Variants in PPP3CB observed in about 807,000 individuals in gnomAD.
The protein encoded by PPP3CB is protein phosphatase 3 catalytic subunit beta, also known as serine/threonine-protein phosphatase 2B catalytic subunit beta isoform.
PPP3CB carries 8 observed loss-of-function variants against 66.4 expected under a neutral mutation model. The observed-to-expected ratio is 0.12, with a 90% CI of 0.07 to 0.22. The LOEUF (loss-of-function observed/expected upper bound fraction) is 0.22, where lower values mean the gene tolerates loss of function less well. PPP3CB is among the 10% of genes least tolerant of loss of function. PPP3CB has a pLI of 1.00. For missense variants in PPP3CB, 319 were observed against 642.5 expected, an observed-to-expected ratio of 0.50 and a Z score of 5.44; for synonymous variants, 208 against 221.2, an observed-to-expected ratio of 0.94 and a Z score of 0.53.
intron 3 of PPP3CB, among the ~76,000 whole-genome samples, chr10:73,476,396 C>A (rs1262431358): frequency 6.6e-6 from 1 of 152,166 alleles, no homozygotes; most frequent in Non-Finnish European, 1.5e-5. Context: ...GCAGGCAGAT[C>A]ACCTGAGGCC....
chr10:73,461,662 T>C (rs2056523279), intron 9 of PPP3CB, among the ~76,000 whole-genome samples: 1 of 152,218 alleles, frequency 6.6e-6, no homozygotes, highest in South Asian at 2.1e-4. Context: ...GATGAGACTT[T>C]GGAGTTGGCA....
chr10:73,446,480 A>G lies in PPP3CB; in HGVS notation c.1268+12T>C. The stretch of plus-strand genomic sequence containing the variant: ...TTCTGCAAAACAAATAATCAAGAAA[A>G]TATATCATTACCTGAGAACAGAGAA... On this transcript the variant is annotated intron_variant, in intron 11 of 13. Transcript: ENST00000360663. The G allele has an allele frequency of 6.3e-7, 1 of 1,599,102 alleles. No individual in the cohort carries two copies.
chr10:73,481,020 C>A (rs138918631), intron 1 of PPP3CB, among the ~76,000 whole-genome samples: 1,946 of 152,208 alleles, frequency 0.013, 15 homozygotes, highest in Non-Finnish European at 0.022. Flanking sequence ...CATTCAAAAT[C>A]AGCTTGGACT....
chr10:73,456,354 G>C (rs1331273067), intron 9 of PPP3CB, among the ~76,000 whole-genome samples: 1 of 152,138 alleles, frequency 6.6e-6, no homozygotes. Flanking sequence ...CAAAAGACCT[G>C]CTGGGGAAGA....
At chr10:73,452,712 A>C (rs748581124) in intron 10 of PPP3CB, among the ~76,000 whole-genome samples, 19 of 152,064 alleles carry the variant, frequency 1.2e-4, no homozygotes, top group Non-Finnish European at 2.2e-4. Context: ...AAAAAAAGGA[A>C]AGAGAATTAA....
intron 10 of PPP3CB, among the ~76,000 whole-genome samples, chr10:73,448,474 A>G (rs993635267): frequency 6.6e-6 from 1 of 152,216 alleles, no homozygotes; most frequent in Non-Finnish European, 1.5e-5. Context: ...CATGCACAGA[A>G]AGACAGATAT....
intron 9 of PPP3CB, among the ~76,000 whole-genome samples, chr10:73,465,643 C>T (rs2056607724): frequency 6.6e-6 from 1 of 152,180 alleles, no homozygotes; most frequent in African/African-American, 2.4e-5. Flanking sequence ...TTAAATCAGC[C>T]TTTCAGGAAG....
At chr10:73,444,620 T>C in intron 12 of PPP3CB, 105 bp downstream of exon 12, 2 of 1,562,492 alleles carry the variant, frequency 1.3e-6, no homozygotes, top group Non-Finnish European at 1.7e-6. Context: ...AGACAGGAAC[T>C]AAAAAACAGA....
chr10:73,463,690 TG>T (rs1165765671), intron 9 of PPP3CB, among the ~76,000 whole-genome samples: 17 of 152,348 alleles, frequency 1.1e-4, no homozygotes, highest in Admixed American at 6.5e-4. Context: ...TCACCCAGGC[TG>T]GAGTGCAGTG....
intron 11 of PPP3CB, among the ~76,000 whole-genome samples, chr10:73,446,029 G>T (rs370163175): frequency 6.6e-6 from 1 of 151,984 alleles, no homozygotes. Context: ...TTACAGGCGT[G>T]AGCCACCACG....
At chr10:73,440,119 C>T (rs1451258625) in intron 12 of PPP3CB, among the ~76,000 whole-genome samples, 4 of 152,188 alleles carry the variant, frequency 2.6e-5, no homozygotes, top group African/African-American at 9.7e-5. Context: ...GACAACATCA[C>T]TCAGAGCACA....
Position 73,438,070 on chromosome 10 carries a change from A to G in PPP3CB, c.*172T>C. 3.2e-6 allele frequency: 2 copies of G among 617,968 alleles called. No homozygotes were observed. The highest frequency in any genetic ancestry group is 5.3e-6 in the Non-Finnish European group (2 of 374,538). 38.3% of individuals were successfully genotyped at this position (617,968 alleles called of 1,614,324 possible). On this transcript the variant is annotated 3_prime_UTR_variant, in exon 14 of 14. Coordinates refer to ENST00000360663, the MANE Select transcript of PPP3CB (RefSeq NM_021132.4). ...ATGACCCAATCTTATCAGATAGCACATGTCCCAGGGCCCTCAAGCCTCCAT... is the reference window on the plus strand; with the variant it reads ...ATGACCCAATCTTATCAGATAGCACGTGTCCCAGGGCCCTCAAGCCTCCAT...
At chr10:73,484,590 G>GT (rs938254174) in intron 1 of PPP3CB, among the ~76,000 whole-genome samples, 309 of 142,648 alleles carry the variant, frequency 2.2e-3, no homozygotes, top group East Asian at 0.012. Context: ...CTTTTCCAGA[G>GT]TTTTTTTTTT....
chr10:73,478,039 A>G (rs1226940651), intron 3 of PPP3CB, among the ~76,000 whole-genome samples: 1 of 152,252 alleles, frequency 6.6e-6, no homozygotes, highest in Non-Finnish European at 1.5e-5. Flanking sequence ...CCAAATACAC[A>G]AAGATTCCAT....
intron 3 of PPP3CB, among the ~76,000 whole-genome samples, 196 bp from the exon 4 acceptor site, chr10:73,475,226 C>T (rs1349044590): frequency 6.6e-6 from 1 of 152,222 alleles, no homozygotes; most frequent in East Asian, 1.9e-4. Flanking sequence ...AGAAGAGTAC[C>T]TAGCAAATAG....
chr10:73,469,976 A>G (rs2056677713), intron 8 of PPP3CB, among the ~76,000 whole-genome samples: 1 of 152,190 alleles, frequency 6.6e-6, no homozygotes, highest in Admixed American at 6.5e-5. Flanking sequence ...CTCATCTTCA[A>G]TGTCCTTGGC....
chr10:73,439,186 T>C (rs1447932164), intron 13 of PPP3CB, among the ~76,000 whole-genome samples: 2 of 152,172 alleles, frequency 1.3e-5, no homozygotes, highest in Non-Finnish European at 2.9e-5. Flanking sequence ...AAAGTGTTCA[T>C]AGGAAATATT....
At chr10:73,465,851 T>C (rs1479874755) in intron 9 of PPP3CB, among the ~76,000 whole-genome samples, 1 of 152,234 alleles carries the variant, frequency 6.6e-6, no homozygotes, top group Non-Finnish European at 1.5e-5. Context: ...GAAGATTTTC[T>C]TACTGTGCTC....
At chr10:73,486,958 G>A (rs965528896) in intron 1 of PPP3CB, among the ~76,000 whole-genome samples, 1 of 152,142 alleles carries the variant, frequency 6.6e-6, no homozygotes, top group African/African-American at 2.4e-5. Context: ...ATTACCTGAG[G>A]TCAGGAGTTT....
Sources: allele counts gnomAD v4.1 joint callset (sites outside exome capture counted in the v4.1 genomes callset), GRCh38; gene constraint gnomAD v4.1.1; transcripts MANE v1.5; gene names NCBI Gene and HGNC (gene_info 2026-07-23, HGNC 2026-07-21).